TNIK: variants seen among roughly 807,000 people sequenced by gnomAD.
TNIK encodes TRAF2 and NCK interacting kinase, also known as TRAF2 and NCK-interacting protein kinase.
TNIK carries 49 observed loss-of-function variants against 191.3 expected under a neutral mutation model. The observed-to-expected ratio is 0.26, with a 90% CI of 0.20 to 0.32. The LOEUF is 0.32. TNIK is among the 10% of genes least tolerant of loss of function. The probability of loss-of-function intolerance (pLI) is 1.00; values close to 1 mark genes in which losing one functional copy is unlikely to be tolerated. For missense variants in TNIK, 1,155 were observed against 1,702.3 expected, an observed-to-expected ratio of 0.68 and a Z score of 5.66; for synonymous variants, 594 against 600.9, an observed-to-expected ratio of 0.99 and a Z score of 0.17.
intron 3 of TNIK, among the ~76,000 whole-genome samples, chr3:171,212,657 G>A (rs1336951539): frequency 6.6e-6 from 1 of 152,134 alleles, no homozygotes; most frequent in African/African-American, 2.4e-5. Context: ...TTATCAGTCG[G>A]TAAGAACCGT....
At chr3:171,329,657 T>C (rs901552494) in intron 2 of TNIK, among the ~76,000 whole-genome samples, 10 of 152,236 alleles carry the variant, frequency 6.6e-5, no homozygotes. Flanking sequence ...AATGCCTTTT[T>C]ATTTATGCCA....
chr3:171,171,100 T>C (rs934408822), intron 9 of TNIK, among the ~76,000 whole-genome samples: 1 of 152,086 alleles, frequency 6.6e-6, no homozygotes, highest in South Asian at 2.1e-4. Flanking sequence ...AACATAGAGT[T>C]CTTTAAGGGA....
rs141391260 is a variant in TNIK, at chr3:171,421,921, G to A, written c.57+38086C>T. 9.9e-5 allele frequency among the ~76,000 whole-genome samples: 15 copies of A among 151,746 alleles called. No individual in the cohort carries two copies. The Middle Eastern group carries it at 0.01, about 103-fold the overall frequency. On this transcript the variant is annotated intron_variant, in intron 1 of 32. Transcript: ENST00000436636. ...TAATTTTTGTATTTTTAGTAGAGAC[G>A]GGGTTTCACCATGTTGGCCAGGCTG...
Position 171,126,159 on chromosome 3 carries a change from T to A in TNIK, c.1774-8A>T. The stretch of plus-strand genomic sequence containing the variant: ...AGCTACCAGATGTGGGATCTAAGCA[T>A]CAAAACAACATGAAAACAGCACTAT... On this transcript the variant is annotated splice_region_variant and splice_polypyrimidine_tract_variant and intron_variant, in intron 16 of 32. Transcript: ENST00000436636. 3 of 1,499,160 alleles carry A rather than the reference T, an allele frequency of 2.0e-6. No individual in the cohort carries two copies. The highest frequency in any genetic ancestry group is 2.7e-6 in the Non-Finnish European group (3 of 1,128,260). The allele number at this position is 1,499,160 out of a possible 1,614,324, so 92.9% of individuals were successfully genotyped here.
chr3:171,300,527 G>A (rs1041434471), intron 2 of TNIK, among the ~76,000 whole-genome samples: 3 of 152,106 alleles, frequency 2.0e-5, no homozygotes, highest in African/African-American at 7.2e-5. Context: ...ATTCTGGGCA[G>A]AGAATTGTGA....
At position 171,174,840 on chromosome 3, in the gene TNIK, T is replaced by C. The variant is rs541387277; in HGVS notation, c.773+412A>G. Among the ~76,000 whole-genome samples, 8 of 152,208 alleles carry C rather than the reference T, an allele frequency of 5.3e-5. No individual in the cohort carries two copies. The South Asian group carries it at 1.7e-3, about 31-fold the overall frequency. ...AAATAATCTCAAACATTACCTGGTATGTATATGCACTTAGGGAATGATTGT... is the reference window on the plus strand; with the variant it reads ...AAATAATCTCAAACATTACCTGGTACGTATATGCACTTAGGGAATGATTGT... On this transcript the variant is annotated intron_variant, in intron 9 of 32. Transcript: ENST00000436636.
intron 6 of TNIK, among the ~76,000 whole-genome samples, chr3:171,190,120 C>A (rs137997535): frequency 6.1e-4 from 93 of 152,274 alleles, no homozygotes; most frequent in African/African-American, 2.0e-3. Context: ...TCTATTTGGG[C>A]AGTCCCAGAT....
chr3:171,378,742 T>A (rs1717612265), intron 1 of TNIK, among the ~76,000 whole-genome samples: 1 of 152,208 alleles, frequency 6.6e-6, no homozygotes, highest in Admixed American at 6.5e-5. Context: ...ATCAATAAAA[T>A]ATCTCTACCC....
chr3:171,324,606 A>G (rs959079947), intron 2 of TNIK, among the ~76,000 whole-genome samples: 30 of 152,150 alleles, frequency 2.0e-4, no homozygotes, highest in African/African-American at 6.8e-4. Context: ...TTACCTACAC[A>G]AAGAACTCTG....
At chr3:171,202,934 G>C (rs554333707) in intron 4 of TNIK, among the ~76,000 whole-genome samples, 2 of 152,274 alleles carry the variant, frequency 1.3e-5, no homozygotes, top group East Asian at 3.9e-4. Context: ...AGTGACGTAG[G>C]CTCTGTATAT....
intron 2 of TNIK, among the ~76,000 whole-genome samples, chr3:171,234,416 T>C (rs1744022011): frequency 6.6e-6 from 1 of 152,208 alleles, no homozygotes; most frequent in African/African-American, 2.4e-5. Context: ...CCCAGACTTG[T>C]GGCAGAGGTA....
At chr3:171,192,188 C>G (rs748217936) in intron 5 of TNIK, among the ~76,000 whole-genome samples, 7 of 152,262 alleles carry the variant, frequency 4.6e-5, no homozygotes, top group Non-Finnish European at 1.0e-4. Context: ...TAAAAAATTG[C>G]CTTTCTTATC....
chr3:171,075,715 T>G lies in TNIK; in HGVS notation c.3448+3803A>C, dbSNP rs527636639. 1.2e-4 allele frequency among the ~76,000 whole-genome samples: 18 copies of G among 146,048 alleles called. No homozygotes were observed. The South Asian group carries it at 3.6e-3, about 29-fold the overall frequency. On this transcript the variant is annotated intron_variant, in intron 28 of 32. Coordinates refer to ENST00000436636, the MANE Select transcript of TNIK (RefSeq NM_015028.4). Reference sequence around the variant, plus strand: ...ACATACGTTTACAGACATTAAACGTTTTTTTTTTTTCCAAAAGCTGCTATT... The same window carrying G: ...ACATACGTTTACAGACATTAAACGTGTTTTTTTTTTCCAAAAGCTGCTATT...
intron 3 of TNIK, among the ~76,000 whole-genome samples, chr3:171,216,900 G>A (rs982497626): frequency 7.2e-5 from 11 of 152,106 alleles, no homozygotes; most frequent in Admixed American, 1.3e-4. Context: ...CCAACGAGTT[G>A]TCTAAGTCCC....
intron 1 of TNIK, among the ~76,000 whole-genome samples, chr3:171,455,450 A>G (rs1728683424): frequency 6.7e-6 from 1 of 150,054 alleles, no homozygotes; most frequent in Non-Finnish European, 1.5e-5. Context: ...TACATTGCCC[A>G]TGATGATCTG....
chr3:171,254,068 CA>C (rs1054625246), intron 2 of TNIK, among the ~76,000 whole-genome samples: 1 of 152,126 alleles, frequency 6.6e-6, no homozygotes, highest in Non-Finnish European at 1.5e-5. Flanking sequence ...TAATTCATCC[CA>C]AAGTGCAAAT....
At chr3:171,085,377 T>C (rs934396574) in intron 24 of TNIK, 148 bp from the exon 25 acceptor site, 5 of 590,330 alleles carry the variant, frequency 8.5e-6, no homozygotes, top group Non-Finnish European at 1.3e-5. Flanking sequence ...AGTGCGTGCC[T>C]GTCTCCAGCT....
chr3:171,082,318 C>G lies in TNIK; in HGVS notation c.3246G>C (p.Leu1082=), dbSNP rs1720799363. Reference sequence around the variant, plus strand: ...TCTGCTGAAATCGCCTCCGGTTGATCAGATTATAGACTTTGCCTTGCCCAC... The same window carrying G: ...TCTGCTGAAATCGCCTCCGGTTGATGAGATTATAGACTTTGCCTTGCCCAC... ...DRSGQGKVYN[L]INRRRFQQMD... is the part of the protein sequence containing the mutation. The change falls in exon 27 of 33, where the codon CTG becomes CTC. Residue 1082 remains leucine, a synonymous_variant. Coordinates refer to ENST00000436636, the MANE Select transcript of TNIK (RefSeq NM_015028.4). 1 of 1,613,872 alleles carries G rather than the reference C, an allele frequency of 6.2e-7. No individual in the cohort carries two copies. The highest frequency in any genetic ancestry group is 8.5e-7 in the Non-Finnish European group (1 of 1,179,832).
intron 1 of TNIK, among the ~76,000 whole-genome samples, chr3:171,455,872 C>T (rs924993957): frequency 1.3e-5 from 2 of 152,112 alleles, no homozygotes; most frequent in Non-Finnish European, 2.9e-5. Context: ...GACTATGGCT[C>T]CAAAGATGAA....
Sources: allele counts gnomAD v4.1 joint callset (sites outside exome capture counted in the v4.1 genomes callset), GRCh38; gene constraint gnomAD v4.1.1; transcripts MANE v1.5; gene names NCBI Gene and HGNC (gene_info 2026-07-23, HGNC 2026-07-21).